RASGEF1C: variants seen among roughly 807,000 people sequenced by gnomAD.
RASGEF1C encodes the protein ras-GEF domain-containing family member 1C.
In RASGEF1C, 27 loss-of-function variants were observed where a neutral mutation model predicts 58.1. The observed-to-expected ratio is 0.46, with a 90% CI of 0.34 to 0.64. The LOEUF (loss-of-function observed/expected upper bound fraction) is 0.64, where lower values mean the gene tolerates loss of function less well. Ranked by LOEUF, RASGEF1C falls within the 30% of genes least tolerant of loss-of-function variation. RASGEF1C has a pLI of 0.01. For missense variants in RASGEF1C, 502 were observed against 605.1 expected (o/e 0.83, Z 1.79); for synonymous variants, 243 against 246.3 (o/e 0.99, Z 0.13).
intron 1 of RASGEF1C, among the ~76,000 whole-genome samples, chr5:180,163,078 T>C (rs1321990136): frequency 6.6e-6 from 1 of 152,108 alleles, no homozygotes; most frequent in Non-Finnish European, 1.5e-5. Context: ...GTTGACTTTG[T>C]ATCCTGGCGT....
chr5:180,186,069 C>A (rs1581126036), intron 1 of RASGEF1C, among the ~76,000 whole-genome samples: 3 of 144,840 alleles, frequency 2.1e-5, no homozygotes, highest in African/African-American at 2.6e-5. Context: ...TGCATTCCAG[C>A]CTGGGTGACA....
intron 1 of RASGEF1C, among the ~76,000 whole-genome samples, chr5:180,199,074 C>T (rs536485845): frequency 2.6e-5 from 4 of 152,276 alleles, no homozygotes; most frequent in African/African-American, 9.6e-5. Context: ...CTCTCCTCCC[C>T]AACCCCCACC....
intron 6 of RASGEF1C, among the ~76,000 whole-genome samples, chr5:180,123,007 CA>C (rs1431224518): frequency 7.9e-5 from 12 of 151,944 alleles, no homozygotes; most frequent in African/African-American, 2.7e-4. Flanking sequence ...AGATACACTC[CA>C]AACACAAGGA....
rs1429759119 is a variant in RASGEF1C at position 180,137,314 on chromosome 5, C to T, written c.300+276G>A. Among the ~76,000 whole-genome samples, 1 of 152,180 alleles carries T rather than the reference C, an allele frequency of 6.6e-6. No individual in the cohort carries two copies. The highest frequency in any genetic ancestry group is 1.5e-5 in the Non-Finnish European group (1 of 68,026). On this transcript the variant is annotated intron_variant, in intron 3 of 13. Coordinates refer to ENST00000361132, the MANE Select transcript of RASGEF1C (RefSeq NM_175062.4). This position sits in a 1 kb window ranked among gnomAD's most constrained non-coding sequence, Gnocchi z 4.1. ...GCCCACCAGAGGCAGCAGGCCCTCCCGGCCACAGATGGGTCCTACTGACCG... is the reference window on the plus strand; with the variant it reads ...GCCCACCAGAGGCAGCAGGCCCTCCTGGCCACAGATGGGTCCTACTGACCG...
chr5:180,174,587 CGT>C (rs10533092), intron 1 of RASGEF1C, among the ~76,000 whole-genome samples: 61,898 of 147,248 alleles, frequency 0.42, 12,746 homozygotes, highest in African/African-American at 0.49. Flanking sequence ...TGTGTGCGCA[CGT>C]GTGTGTGTGT....
At chr5:180,131,076 G>A (rs1229657573) in intron 4 of RASGEF1C, among the ~76,000 whole-genome samples, 3 of 152,156 alleles carry the variant, frequency 2.0e-5, no homozygotes, top group African/African-American at 7.2e-5. Flanking sequence ...TGGAGCCCAG[G>A]CCACTGTCAT....
chr5:180,199,249 T>C (rs1756336311), intron 1 of RASGEF1C, among the ~76,000 whole-genome samples: 2 of 151,966 alleles, frequency 1.3e-5, no homozygotes, highest in South Asian at 2.1e-4. Context: ...GTCTGACAAA[T>C]CCGGATTGTG....
rs1582265546 is a variant in RASGEF1C, at chr5:180,119,455, A to G, written c.805-7T>C. 1 of 1,611,996 alleles carries G rather than the reference A, an allele frequency of 6.2e-7. No individual in the cohort carries two copies. The highest frequency in any genetic ancestry group is 8.5e-7 in the Non-Finnish European group (1 of 1,178,268). On this transcript the variant is annotated splice_region_variant and splice_polypyrimidine_tract_variant and intron_variant, in intron 7 of 13. Transcript: ENST00000361132. ...TCTGCTTCTTCTTGGCTGGCTGGGG[A>G]CAGGGCAGCAGAGCCTCAGTGGTGA...
chr5:180,154,176 T>C (rs763021686), intron 1 of RASGEF1C, among the ~76,000 whole-genome samples: 1 of 152,174 alleles, frequency 6.6e-6, no homozygotes, highest in Non-Finnish European at 1.5e-5. Flanking sequence ...GTCTACCCCC[T>C]GGGCAGGTGT....
intron 10 of RASGEF1C, among the ~76,000 whole-genome samples, chr5:180,117,732 G>A (rs112888445): frequency 1.3e-5 from 2 of 152,248 alleles, no homozygotes; most frequent in African/African-American, 2.4e-5. Context: ...AGTGGCTCAC[G>A]CATGTAATCC....
At chr5:180,118,527 C>G in intron 10 of RASGEF1C, 82 bp downstream of exon 10, 2 of 1,242,596 alleles carry the variant, frequency 1.6e-6, no homozygotes, top group African/African-American at 1.5e-5. Flanking sequence ...CTGCAGGGGG[C>G]AGGAGCTGCA....
chr5:180,208,604 C>A (rs1281164898), intron 1 of RASGEF1C, among the ~76,000 whole-genome samples: 1 of 152,156 alleles, frequency 6.6e-6, no homozygotes, highest in Admixed American at 6.5e-5. Context: ...CCCCCAGGCG[C>A]AAGGCCCTTT....
intron 1 of RASGEF1C, among the ~76,000 whole-genome samples, chr5:180,207,986 C>T (rs1346187695): frequency 6.6e-6 from 1 of 152,220 alleles, no homozygotes; most frequent in East Asian, 1.9e-4. Context: ...TGTCCCCTCC[C>T]ACACCAGCTA....
chr5:180,176,721 T>C, intron 1 of RASGEF1C, among the ~76,000 whole-genome samples: 2 of 152,060 alleles, frequency 1.3e-5, no homozygotes, highest in Non-Finnish European at 2.9e-5. Flanking sequence ...CATGCCCGGC[T>C]AATTTTTTGT....
intron 1 of RASGEF1C, among the ~76,000 whole-genome samples, chr5:180,194,106 G>T (rs935974037): frequency 1.3e-5 from 2 of 152,072 alleles, no homozygotes; most frequent in African/African-American, 4.8e-5. Context: ...GTGACCTTGG[G>T]GTGTCCTCCC....
intron 1 of RASGEF1C, among the ~76,000 whole-genome samples, chr5:180,161,813 G>C (rs1290263705): frequency 6.6e-6 from 1 of 152,228 alleles, no homozygotes; most frequent in Admixed American, 6.5e-5. Flanking sequence ...CCCACCTGCG[G>C]GAGGGGCGTC....
rs779238788 is a variant in RASGEF1C at position 180,163,500 on chromosome 5, G to GT, written c.-6-25443dup. Among the ~76,000 whole-genome samples the GT allele has an allele frequency of 3.0e-3, 460 of 151,824 alleles. 2 individuals are homozygous for GT. Among genetic ancestry groups the GT allele is most frequent in the Middle Eastern group, 0.014 (4 of 292 alleles). ...CTTGAGACTTCCTTTCTTACCTATT[G>GT]TTCAATGCTTTTTCTGCATCAATTG... is the stretch of plus-strand genomic sequence containing the variant. On this transcript the variant is annotated intron_variant, in intron 1 of 13. Coordinates refer to ENST00000361132, the MANE Select transcript of RASGEF1C (RefSeq NM_175062.4).
intron 1 of RASGEF1C, among the ~76,000 whole-genome samples, chr5:180,196,377 T>G (rs1455774331): frequency 6.6e-6 from 1 of 151,974 alleles, no homozygotes; most frequent in African/African-American, 2.4e-5. Context: ...GGCGGAAGAC[T>G]GTAATACCAG....
Position 180,121,116 on chromosome 5 carries a change from C to T in RASGEF1C, c.748G>A (p.Ala250Thr). Residue 250 changes from alanine (A) to threonine (T), a missense_variant, in exon 7 of 14, where the codon GCT (alanine) becomes ACT (threonine). By Grantham distance (58) the Ala-to-Thr change is moderately conservative. Coordinates refer to ENST00000361132, the MANE Select transcript of RASGEF1C (RefSeq NM_175062.4). ...CFSDKTSNLE[A>T]YVKWFNRLCY... is the part of the protein sequence containing the mutation. Reference sequence around the variant, plus strand: ...AGCCTGTTGAACCATTTCACATAAGCCTCCAGGTTGCTGGTCTTGTCACTG... The same window carrying T: ...AGCCTGTTGAACCATTTCACATAAGTCTCCAGGTTGCTGGTCTTGTCACTG... 6.2e-7 allele frequency: 1 copy of T among 1,614,134 alleles called. No homozygotes were observed.
Sources: allele counts gnomAD v4.1 joint callset (sites outside exome capture counted in the v4.1 genomes callset), GRCh38; gene constraint gnomAD v4.1.1; non-coding constraint Gnocchi (gnomAD v3.1); transcripts MANE v1.5; gene names NCBI Gene and HGNC (gene_info 2026-07-23, HGNC 2026-07-21).